Variants in RADX observed in about 807,000 individuals in gnomAD.
RADX encodes RPA-related protein RADX.
A neutral mutation model predicts 61.6 loss-of-function variants in RADX; 36 were observed. That is an observed-to-expected ratio of 0.58 (90% CI 0.45 to 0.77). The LOEUF is 0.77. Among genes scored for constraint, RADX ranks in the 30% least tolerant of loss-of-function variants. The pLI is 0.00. For synonymous variants in RADX, 272 were observed against 237.9 expected, an observed-to-expected ratio of 1.14 and a Z score of -1.32; for missense variants, 497 against 651.1, an observed-to-expected ratio of 0.76 and a Z score of 2.58.
chrX:106,663,575 A>G lies in RADX; in HGVS notation c.2269+1270A>G, dbSNP rs147134655. On this transcript the variant is annotated intron_variant, in intron 12 of 13. Transcript: ENST00000372548. The stretch of plus-strand genomic sequence containing the variant: ...AATTTTGTAGCAGAATAAGGTGACT[A>G]TGGTCAATAATAATTTAATTGTACA... Among the ~76,000 whole-genome samples the G allele has an allele frequency of 6.5e-3, 729 of 111,951 alleles. 4 individuals are homozygous for G. The highest frequency in any genetic ancestry group is 0.022 in the African/African-American group (689 of 30,914).
At chrX:106,623,424 T>C (rs745587035) in intron 2 of RADX, among the ~76,000 whole-genome samples, 62 of 111,804 alleles carry the variant, frequency 5.5e-4, no homozygotes, top group Non-Finnish European at 1.0e-3. Flanking sequence ...TCCCATGATA[T>C]CAAGAACTAT....
intron 13 of RADX, among the ~76,000 whole-genome samples, chrX:106,670,241 T>C (rs1928333036): frequency 9.0e-6 from 1 of 111,353 alleles, no homozygotes; most frequent in African/African-American, 3.3e-5. Flanking sequence ...GCCGTATTAC[T>C]TTCTACATTG....
At chrX:106,672,881 G>A (rs1928403008) in intron 13 of RADX, among the ~76,000 whole-genome samples, 1 of 111,809 alleles carries the variant, frequency 8.9e-6, no homozygotes, top group Admixed American at 9.4e-5. Context: ...CTTTCCAAAG[G>A]CAGGAGGGAC....
At chrX:106,616,812 C>T (rs1926814472) in intron 1 of RADX, among the ~76,000 whole-genome samples, 1 of 110,064 alleles carries the variant, frequency 9.1e-6, no homozygotes, top group South Asian at 3.8e-4. Context: ...ACTTAATGTG[C>T]ATCAATTCAT....
intron 6 of RADX, among the ~76,000 whole-genome samples, chrX:106,633,507 A>G (rs1392010375): frequency 8.9e-6 from 1 of 111,818 alleles, no homozygotes; most frequent in East Asian, 2.8e-4. Context: ...TTCTCATTGT[A>G]AAAATTCCAC....
intron 1 of RADX, among the ~76,000 whole-genome samples, chrX:106,619,255 C>G (rs1024829767): frequency 9.0e-6 from 1 of 111,219 alleles, no homozygotes; most frequent in African/African-American, 3.3e-5. Flanking sequence ...CAGAATTATT[C>G]AAAATATATA....
chrX:106,660,552 TA>T (rs1490013318), intron 11 of RADX, among the ~76,000 whole-genome samples: 1 of 112,237 alleles, frequency 8.9e-6, no homozygotes, highest in Non-Finnish European at 1.9e-5. Context: ...TTTTTTATGC[TA>T]GGATAAGAAT....
chrX:106,633,652 T>G (rs1315773735), intron 6 of RADX, among the ~76,000 whole-genome samples: 2 of 111,991 alleles, frequency 1.8e-5, no homozygotes, highest in Non-Finnish European at 3.8e-5. Flanking sequence ...GGTAGAAGAT[T>G]GGTGGACTAT....
Position 106,678,263 on chromosome X carries a change from T to C in RADX, c.*5T>C, listed in dbSNP as rs192911250. ...AGTCCAGAGAATACTTCTTAAAAGT[T>C]AGCAAATGAAATTATTACAGATTAT... On this transcript the variant is annotated 3_prime_UTR_variant, in exon 14 of 14. Coordinates refer to ENST00000372548, the MANE Select transcript of RADX (RefSeq NM_018015.6). 1,607 of 1,138,876 alleles carry C rather than the reference T, an allele frequency of 1.4e-3. 6 individuals carry two copies. The highest frequency in any genetic ancestry group is 1.0e-3 in the Non-Finnish European group (838 of 834,596). 93.9% of individuals were successfully genotyped at this position (1,138,876 alleles called of 1,213,427 possible). A position where few individuals can be genotyped will look rare whatever the true frequency, so the allele number is the denominator to read the frequency against.
At chrX:106,657,101 A>G (rs1927959472) in intron 11 of RADX, among the ~76,000 whole-genome samples, 1 of 112,452 alleles carries the variant, frequency 8.9e-6, no homozygotes, top group African/African-American at 3.2e-5. Context: ...TTCATCAGTT[A>G]TCTTAGCTGG....
At chrX:106,659,583 T>C (rs1263599589) in intron 11 of RADX, among the ~76,000 whole-genome samples, 1 of 111,695 alleles carries the variant, frequency 9.0e-6, no homozygotes, top group African/African-American at 3.2e-5. Context: ...TTTATTAATA[T>C]TCAAAAAAAA....
chrX:106,675,838 G>T (rs1201647036), intron 13 of RADX, among the ~76,000 whole-genome samples: 3 of 111,399 alleles, frequency 2.7e-5, no homozygotes, highest in African/African-American at 9.8e-5. Flanking sequence ...TTCATAATAG[G>T]TTTCCTTAAG....
chrX:106,632,742 G>A lies in RADX; in HGVS notation c.1088+9G>A, dbSNP rs183727526. 9.1e-7 allele frequency: 1 copy of A among 1,096,675 alleles called. No individual in the cohort carries two copies. Among genetic ancestry groups the A allele is most frequent in the Non-Finnish European group, 1.3e-6 (1 of 799,348 alleles). 90.4% of individuals were successfully genotyped at this position (1,096,675 alleles called of 1,213,427 possible). ...CACCGATTTACCACAAGGTAAAATAGTTTCTTGTAAAATGTCTTAAATATT... is the reference window on the plus strand; with the variant it reads ...CACCGATTTACCACAAGGTAAAATAATTTCTTGTAAAATGTCTTAAATATT... On this transcript the variant is annotated intron_variant, in intron 4 of 13. Coordinates refer to ENST00000372548, the MANE Select transcript of RADX (RefSeq NM_018015.6).
At chrX:106,618,238 T>A (rs1369982670) in intron 1 of RADX, among the ~76,000 whole-genome samples, 1 of 111,439 alleles carries the variant, frequency 9.0e-6, no homozygotes, top group Admixed American at 9.5e-5. Context: ...GTTTTGTCGT[T>A]TTTTTTAATG....
chrX:106,659,585 C>CA (rs543382105), intron 11 of RADX, among the ~76,000 whole-genome samples: 2 of 110,389 alleles, frequency 1.8e-5, no homozygotes, highest in East Asian at 2.8e-4. Context: ...TATTAATATT[C>CA]AAAAAAAACT....
chrX:106,658,606 A>G (rs1928007277), intron 11 of RADX, among the ~76,000 whole-genome samples: 1 of 112,436 alleles, frequency 8.9e-6, no homozygotes, highest in African/African-American at 3.2e-5. Flanking sequence ...TAAATATAGC[A>G]TATTAATATA....
At chrX:106,643,985 T>A (rs1159872019) in intron 10 of RADX, among the ~76,000 whole-genome samples, 1 of 111,803 alleles carries the variant, frequency 8.9e-6, no homozygotes, top group East Asian at 2.8e-4. Flanking sequence ...ATTATAGACA[T>A]CTTTCACTTG....
intron 3 of RADX, among the ~76,000 whole-genome samples, 163 bp from the exon 4 acceptor site, chrX:106,632,461 TG>T (rs1927257733): frequency 9.0e-6 from 1 of 111,565 alleles, no homozygotes; most frequent in Non-Finnish European, 1.9e-5. Flanking sequence ...GAGAGATAAG[TG>T]GATGTGATAA....
chrX:106,632,932 G>C lies in RADX; in HGVS notation c.1089G>C (p.Arg363Ser). 1 of 1,196,368 alleles carries C rather than the reference G, an allele frequency of 8.4e-7. No homozygotes were observed. The highest frequency in any genetic ancestry group is 1.1e-6 in the Non-Finnish European group (1 of 884,069). ...LPKLNHRFTTRSELDDMPENC... is the reference protein window; with the variant it reads ...LPKLNHRFTTSSELDDMPENC... ...TAATTTAGTGATTTTACCTTTTTAG[G>C]TCAGAACTGGATGATATGCCAGAAA... The change falls in exon 5 of 14, where the codon AGG becomes AGC. Residue 363 changes from arginine to serine, a missense_variant and splice_region_variant. By Grantham distance (110) the Arg-to-Ser change is moderately radical. Coordinates refer to ENST00000372548, the MANE Select transcript of RADX (RefSeq NM_018015.6).
Sources: allele counts gnomAD v4.1 joint callset (sites outside exome capture counted in the v4.1 genomes callset), GRCh38; gene constraint gnomAD v4.1.1; transcripts MANE v1.5; gene names NCBI Gene and HGNC (gene_info 2026-07-23, HGNC 2026-07-21).